The following DOCK3 variants were observed in gnomAD, a reference collection of about 807,000 sequenced individuals.
DOCK3 encodes the protein dedicator of cytokinesis protein 3.
In DOCK3, 60 loss-of-function variants were observed where a neutral mutation model predicts 265.6. That is an observed-to-expected ratio of 0.23 (90% CI 0.18 to 0.28). The LOEUF (loss-of-function observed/expected upper bound fraction) is 0.28, where lower values mean the gene tolerates loss of function less well. Ranked by LOEUF, DOCK3 falls within the 10% of genes least tolerant of loss-of-function variation. DOCK3 has a pLI of 1.00. For missense variants in DOCK3, 1,981 were observed against 2,594.3 expected (o/e 0.76, Z 5.14); for synonymous variants, 881 against 938.0 (o/e 0.94, Z 1.11).
intron 1 of DOCK3, among the ~76,000 whole-genome samples, chr3:50,711,721 C>T (rs1463346125): frequency 2.6e-5 from 4 of 151,956 alleles, no homozygotes; most frequent in African/African-American, 7.3e-5. Flanking sequence ...TCTTTCCTTT[C>T]GTTTTGGAAG....
chr3:51,345,276 G>A (rs2085486028), intron 38 of DOCK3, among the ~76,000 whole-genome samples: 1 of 152,144 alleles, frequency 6.6e-6, no homozygotes, highest in Non-Finnish European at 1.5e-5. Context: ...GCTCACTGAG[G>A]CACAGGCATT....
At chr3:50,989,980 A>G (rs2078048453) in intron 5 of DOCK3, among the ~76,000 whole-genome samples, 3 of 152,242 alleles carry the variant, frequency 2.0e-5, no homozygotes, top group Non-Finnish European at 2.9e-5. Flanking sequence ...CAGAGCTGAA[A>G]TAACACAATA....
chr3:51,322,031 A>G (rs536081481), intron 32 of DOCK3, among the ~76,000 whole-genome samples: 1 of 151,502 alleles, frequency 6.6e-6, no homozygotes, highest in African/African-American at 2.4e-5. Flanking sequence ...TAATCGTCAG[A>G]TTCACCAAGG....
chr3:51,246,577 A>C lies in DOCK3; in HGVS notation c.2103-149A>C, dbSNP rs570057604. 3.1e-4 allele frequency: 208 copies of C among 669,740 alleles called. 1 individual carries two copies. The South Asian group carries it at 3.9e-3, about 12-fold the overall frequency. 41.5% of individuals were successfully genotyped at this position (669,740 alleles called of 1,614,324 possible). ...GTGTTGTTTGTTCTCAGGTGACCTGAATAGTCCAAAGCTGTAATGGATCTA... is the reference window on the plus strand; with the variant it reads ...GTGTTGTTTGTTCTCAGGTGACCTGCATAGTCCAAAGCTGTAATGGATCTA... On this transcript the variant is annotated intron_variant, in intron 21 of 52. Transcript: ENST00000266037.
chr3:50,880,296 T>C (rs2047954347), intron 3 of DOCK3, among the ~76,000 whole-genome samples: 1 of 151,710 alleles, frequency 6.6e-6, no homozygotes, highest in African/African-American at 2.4e-5. Context: ...CTGAAGGAGA[T>C]AGAGACACAA....
At chr3:51,102,258 G>A (rs2083117687) in intron 9 of DOCK3, among the ~76,000 whole-genome samples, 1 of 152,164 alleles carries the variant, frequency 6.6e-6, no homozygotes, top group African/African-American at 2.4e-5. Flanking sequence ...ACAAAGCAAT[G>A]TAAAATATCT....
At chr3:50,901,089 C>CT in intron 4 of DOCK3, 3 of 282,246 alleles carry the variant, frequency 1.1e-5, no homozygotes, top group Middle Eastern at 4.4e-4. Flanking sequence ...GCCCCTTCCC[C>CT]TAGGTGCTCT....
chr3:51,110,999 A>G (rs150290922), intron 9 of DOCK3, among the ~76,000 whole-genome samples: 35 of 152,364 alleles, frequency 2.3e-4, no homozygotes, highest in Middle Eastern at 3.4e-3. Flanking sequence ...ATACAAAATC[A>G]GTGTACAAAA....
At chr3:51,348,975 G>C in intron 39 of DOCK3, 37 bp downstream of exon 39, 8 of 1,522,688 alleles carry the variant, frequency 5.3e-6, no homozygotes, top group Non-Finnish European at 7.1e-6. Flanking sequence ...AGCCCTGACT[G>C]GCATCAGTTT....
chr3:51,168,941 C>T (rs894629055), intron 12 of DOCK3, among the ~76,000 whole-genome samples: 4 of 152,070 alleles, frequency 2.6e-5, no homozygotes, highest in Non-Finnish European at 5.9e-5. Context: ...TGTATAGACA[C>T]CTTCAAAAGA....
chr3:51,377,738 AC>A, intron 51 of DOCK3, among the ~76,000 whole-genome samples: 1 of 152,152 alleles, frequency 6.6e-6, no homozygotes, highest in Non-Finnish European at 1.5e-5. Flanking sequence ...TCAGGCAGGC[AC>A]CCTTTTGTAA....
intron 2 of DOCK3, among the ~76,000 whole-genome samples, chr3:50,797,142 AG>A (rs1244325433): frequency 6.6e-6 from 1 of 151,772 alleles, no homozygotes; most frequent in East Asian, 1.9e-4. Context: ...GTGAATGCCG[AG>A]GTTCTTGCCT....
At chr3:51,133,231 TG>T (rs2084641491) in intron 9 of DOCK3, among the ~76,000 whole-genome samples, 1 of 152,056 alleles carries the variant, frequency 6.6e-6, no homozygotes, top group African/African-American at 2.4e-5. Flanking sequence ...TTGTTACATA[TG>T]TTACATGTGC....
chr3:50,962,133 T>C (rs1418656905), intron 5 of DOCK3, among the ~76,000 whole-genome samples: 1 of 152,126 alleles, frequency 6.6e-6, no homozygotes. Context: ...GTATTTCTCC[T>C]AATGCTATCC....
chr3:50,695,695 G>C (rs1217969904), intron 1 of DOCK3, among the ~76,000 whole-genome samples: 1 of 152,248 alleles, frequency 6.6e-6, no homozygotes, highest in Non-Finnish European at 1.5e-5. Flanking sequence ...TGTTCTGAGA[G>C]AGGAATGGAC....
intron 32 of DOCK3, among the ~76,000 whole-genome samples, chr3:51,320,219 C>G (rs944328103): frequency 1.3e-5 from 2 of 152,088 alleles, no homozygotes; most frequent in Non-Finnish European, 2.9e-5. Flanking sequence ...CACAAGGGGT[C>G]GGGGAATTCC....
intron 1 of DOCK3, among the ~76,000 whole-genome samples, chr3:50,769,598 G>C (rs1052850174): frequency 1.3e-5 from 2 of 151,978 alleles, no homozygotes; most frequent in Non-Finnish European, 2.9e-5. Flanking sequence ...ATCACTTGAG[G>C]TCAGGAGTTC....
intron 1 of DOCK3, among the ~76,000 whole-genome samples, chr3:50,746,975 T>G (rs2039485429): frequency 2.0e-5 from 3 of 149,710 alleles, no homozygotes; most frequent in South Asian, 2.2e-4. Flanking sequence ...TGAGTTTTCT[T>G]TTTAATACGG....
At chr3:51,280,467 C>G (rs528203262) in intron 27 of DOCK3, among the ~76,000 whole-genome samples, 2 of 152,320 alleles carry the variant, frequency 1.3e-5, no homozygotes, top group African/African-American at 4.8e-5. Flanking sequence ...AGAGGCTACT[C>G]TGTCCCACAC....
Sources: allele counts gnomAD v4.1 joint callset (sites outside exome capture counted in the v4.1 genomes callset), GRCh38; gene constraint gnomAD v4.1.1; transcripts MANE v1.5; gene names NCBI Gene and HGNC (gene_info 2026-07-23, HGNC 2026-07-21).